MAPK10: variants seen among roughly 807,000 people sequenced by gnomAD.
MAPK10 encodes the protein mitogen-activated protein kinase 10.
In MAPK10, 25 loss-of-function variants were observed where a neutral mutation model predicts 59.3. The ratio of observed to expected loss-of-function variants is 0.42; its 90% confidence interval spans 0.31 to 0.59. The LOEUF (loss-of-function observed/expected upper bound fraction) is 0.59, where lower values mean the gene tolerates loss of function less well. Ranked by LOEUF, MAPK10 falls within the 20% of genes least tolerant of loss-of-function variation. MAPK10 has a pLI of 0.15. For missense variants in MAPK10, 351 were observed against 568.9 expected (o/e 0.62, Z 3.90); for synonymous variants, 190 against 200.5 (o/e 0.95, Z 0.44).
At chr4:86,157,186 C>T (rs1027517884) in intron 4 of MAPK10, among the ~76,000 whole-genome samples, 1 of 151,620 alleles carries the variant, frequency 6.6e-6, no homozygotes, top group African/African-American at 2.4e-5. Flanking sequence ...TTGTAAAAAC[C>T]CAATAACAAG....
chr4:86,289,474 ATATT>A (rs1413311623), intron 2 of MAPK10, among the ~76,000 whole-genome samples: 1 of 152,022 alleles, frequency 6.6e-6, no homozygotes, highest in African/African-American at 2.4e-5. Context: ...GACAGTTTCT[ATATT>A]TATGTTAATA....
intron 2 of MAPK10, among the ~76,000 whole-genome samples, chr4:86,212,059 GA>G (rs1237356342): frequency 2.0e-5 from 3 of 152,016 alleles, no homozygotes; most frequent in Non-Finnish European, 4.4e-5. Flanking sequence ...GAGTCATACA[GA>G]AAACAAATAC....
intron 3 of MAPK10, chr4:86,193,968 C>T (rs1016924633): frequency 1.3e-5 from 3 of 225,912 alleles, no homozygotes; most frequent in African/African-American, 2.3e-5. Context: ...CCTCATGGCA[C>T]AGTTCCTCAT....
At chr4:86,036,362 G>C (rs2040297408) in intron 11 of MAPK10, among the ~76,000 whole-genome samples, 1 of 151,110 alleles carries the variant, frequency 6.6e-6, no homozygotes, top group Non-Finnish European at 1.5e-5. Flanking sequence ...AGAAACCATA[G>C]AACAATTGTG....
intron 2 of MAPK10, among the ~76,000 whole-genome samples, chr4:86,320,925 G>GTC (rs1341448797): frequency 6.6e-6 from 1 of 151,972 alleles, no homozygotes; most frequent in Non-Finnish European, 1.5e-5. Context: ...GTGGGTGAAG[G>GTC]ACATGAACAG....
chr4:86,117,078 A>G (rs2058401432), intron 4 of MAPK10, among the ~76,000 whole-genome samples: 1 of 152,206 alleles, frequency 6.6e-6, no homozygotes, highest in Non-Finnish European at 1.5e-5. Flanking sequence ...ATCATAAAAT[A>G]CATCTTCCAA....
intron 2 of MAPK10, among the ~76,000 whole-genome samples, chr4:86,242,651 G>A (rs979874673): frequency 5.9e-5 from 9 of 152,306 alleles, no homozygotes; most frequent in Admixed American, 3.9e-4. Flanking sequence ...CAGTGTGTTG[G>A]GCTGTGGGGA....
At chr4:86,028,919 T>C (rs1751718613) in intron 13 of MAPK10, 1 of 435,554 alleles carries the variant, frequency 2.3e-6, no homozygotes, top group Non-Finnish European at 4.2e-6. Context: ...GAGGCACATT[T>C]ACCCTTTAGC....
At chr4:86,557,852 G>A (rs1760387408) in intron 1 of MAPK10, among the ~76,000 whole-genome samples, 1 of 152,058 alleles carries the variant, frequency 6.6e-6, no homozygotes, top group Admixed American at 6.5e-5. Flanking sequence ...CACTCCTTCT[G>A]TTGGCTCCTA....
chr4:86,507,478 G>A (rs529519845), intron 1 of MAPK10, among the ~76,000 whole-genome samples: 23 of 150,890 alleles, frequency 1.5e-4, no homozygotes, highest in South Asian at 6.3e-4. Flanking sequence ...CCACTTCTCA[G>A]TATCTCGCCT....
At chr4:86,093,445 A>G (rs1043996104) in intron 9 of MAPK10, among the ~76,000 whole-genome samples, 8 of 151,950 alleles carry the variant, frequency 5.3e-5, no homozygotes, top group African/African-American at 1.7e-4. Context: ...TATAAAAATT[A>G]TAAGTTATAA....
At chr4:86,493,325 T>TA (rs561515925) in intron 1 of MAPK10, among the ~76,000 whole-genome samples, 15 of 152,364 alleles carry the variant, frequency 9.8e-5, no homozygotes, top group African/African-American at 3.6e-4. Flanking sequence ...AGGGGTGTCC[T>TA]AGTAAGTTAT....
chr4:86,168,865 AC>A (rs973199838), intron 3 of MAPK10, among the ~76,000 whole-genome samples: 13 of 152,002 alleles, frequency 8.6e-5, no homozygotes, highest in Admixed American at 2.0e-4. Flanking sequence ...CTGAGACAAA[AC>A]TTCCAGAGGA....
intron 1 of MAPK10, among the ~76,000 whole-genome samples, chr4:86,576,774 C>CA (rs5860029): frequency 6.3e-5 from 9 of 142,474 alleles, no homozygotes; most frequent in South Asian, 2.3e-4. Context: ...GACTCCGTCC[C>CA]AAAAAAAAAA....
chr4:86,556,627 C>A (rs559606506), intron 1 of MAPK10, among the ~76,000 whole-genome samples: 41 of 151,996 alleles, frequency 2.7e-4, no homozygotes, highest in African/African-American at 9.9e-4. Context: ...AAAACAAATA[C>A]CAGAGAAAAG....
At chr4:86,183,444 C>A (rs2077391190) in intron 3 of MAPK10, among the ~76,000 whole-genome samples, 1 of 152,000 alleles carries the variant, frequency 6.6e-6, no homozygotes, top group African/African-American at 2.4e-5. Flanking sequence ...CCAGCTTCAT[C>A]CATGTCCCTA....
intron 2 of MAPK10, among the ~76,000 whole-genome samples, chr4:86,329,107 C>T (rs1276991748): frequency 6.6e-6 from 1 of 152,188 alleles, no homozygotes; most frequent in African/African-American, 2.4e-5. Flanking sequence ...AAGGCCCTCA[C>T]CAGACCTCAA....
At chr4:86,027,865 T>C (rs1751148058) in intron 13 of MAPK10, 1 of 152,188 alleles carries the variant, frequency 6.6e-6, no homozygotes, top group Non-Finnish European at 1.5e-5. Flanking sequence ...GATCCTATTA[T>C]TTGGGAAGAT....
rs977806552 is a variant in MAPK10, at chr4:86,239,896, G to A, written c.-6-45489C>T. On this transcript the variant is annotated intron_variant, in intron 2 of 13. Transcript: ENST00000641462. Reference sequence around the variant, plus strand: ...AGTTATTTCTTGTCTTCCACTAGCTGTTGGATTAGTTGCTCTTGCCTCTCT... The same window carrying A: ...AGTTATTTCTTGTCTTCCACTAGCTATTGGATTAGTTGCTCTTGCCTCTCT... Among the ~76,000 whole-genome samples the A allele has an allele frequency of 2.6e-5, 4 of 151,682 alleles. No individual in the cohort carries two copies. In the East Asian group the frequency reaches 7.7e-4, roughly 29 times the overall value.
Sources: allele counts gnomAD v4.1 joint callset (sites outside exome capture counted in the v4.1 genomes callset), GRCh38; gene constraint gnomAD v4.1.1; transcripts MANE v1.5; gene names NCBI Gene and HGNC (gene_info 2026-07-23, HGNC 2026-07-21).